Variants in TRMT44 observed in about 807,000 individuals in gnomAD.
The protein encoded by TRMT44 is probable tRNA (uracil-O(2)-)-methyltransferase.
TRMT44 carries 78 observed loss-of-function variants against 77.3 expected under a neutral mutation model. The observed-to-expected ratio is 1.01, with a 90% CI of 0.84 to 1.22. The LOEUF (loss-of-function observed/expected upper bound fraction) is 1.22, where lower values mean the gene tolerates loss of function less well. Ranked by LOEUF, TRMT44 falls within the 50% of genes most tolerant of loss-of-function variation. The pLI is 0.00. For missense variants in TRMT44, 1,090 were observed against 964.4 expected (o/e 1.13, Z -1.73); for synonymous variants, 391 against 383.3 (o/e 1.02, Z -0.23).
the TRMT44 span, among the ~76,000 whole-genome samples, chr4:8,503,063 G>A: frequency 1.3e-5 from 2 of 152,232 alleles, no homozygotes; most frequent in African/African-American, 2.4e-5. Context: ...AGAGGCCAAG[G>A]TTTGGTTTCT....
intron 2 of TRMT44, among the ~76,000 whole-genome samples, chr4:8,485,754 A>G (rs2109223016): frequency 6.6e-6 from 1 of 152,296 alleles, no homozygotes; most frequent in East Asian, 1.9e-4. Context: ...TCGGCCTAAT[A>G]AGGGAACGGG....
At chr4:8,502,970 G>C in the TRMT44 span, among the ~76,000 whole-genome samples, 1 of 152,220 alleles carries the variant, frequency 6.6e-6, no homozygotes, top group Non-Finnish European at 1.5e-5. Flanking sequence ...CACAGACTCA[G>C]CACAGGCTTG....
chr4:8,468,025 G>A lies in TRMT44; in HGVS notation c.1606G>A (p.Gly536Ser). ...SRRGCPVSPP[G>S]WELSPSPRWV... ...GCGGGGCTGCCCTGTAAGCCCACCT[G>A]GCTGGGAGCTTTCCCCTTCTCCACG... Residue 536 changes from glycine (G) to serine (S), a missense_variant, in exon 9 of 11, where the codon GGC (glycine) becomes AGC (serine). Gly to Ser is a moderately conservative substitution (Grantham distance 56). Coordinates refer to ENST00000389737, the MANE Select transcript of TRMT44 (RefSeq NM_152544.3). The A allele has an allele frequency of 6.2e-7, 1 of 1,614,022 alleles. No homozygotes were observed. The highest frequency in any genetic ancestry group is 1.7e-5 in the Admixed American group (1 of 60,030).
At chr4:8,502,561 C>G in the TRMT44 span, among the ~76,000 whole-genome samples, 2 of 152,242 alleles carry the variant, frequency 1.3e-5, no homozygotes, top group Non-Finnish European at 2.9e-5. Context: ...GGGGCAGGCT[C>G]TGCATCCACA....
chr4:8,472,927 T>C (rs1288750776), intron 10 of TRMT44, among the ~76,000 whole-genome samples: 1 of 152,220 alleles, frequency 6.6e-6, no homozygotes, highest in Non-Finnish European at 1.5e-5. Context: ...TGAAATACTG[T>C]CTTTTTCACC....
rs953826033 is a variant in TRMT44, at chr4:8,444,885, T to G, written c.620-1591T>G. Among the ~76,000 whole-genome samples the G allele has an allele frequency of 6.6e-6, 1 of 152,158 alleles. No individual in the cohort carries two copies. The highest frequency in any genetic ancestry group is 1.5e-5 in the Non-Finnish European group (1 of 68,034). On this transcript the variant is annotated intron_variant, in intron 1 of 10. Transcript: ENST00000389737. The surrounding 1 kb of genome is among the most constrained non-coding windows in gnomAD (Gnocchi z 4.0). The stretch of plus-strand genomic sequence containing the variant: ...GCTATGTACCCACAAAAATGAAAAA[T>G]TTAAAAATTTTAAAAATCGAAATTT...
intron 10 of TRMT44, among the ~76,000 whole-genome samples, chr4:8,475,109 G>A (rs1017153353): frequency 2.0e-5 from 3 of 152,194 alleles, no homozygotes; most frequent in African/African-American, 4.8e-5. Context: ...CTCCGGTTGG[G>A]AGGCGCATGT....
At chr4:8,490,469 T>A (rs1727963194) in intron 2 of TRMT44, among the ~76,000 whole-genome samples, 1 of 151,582 alleles carries the variant, frequency 6.6e-6, no homozygotes, top group African/African-American at 2.4e-5. Flanking sequence ...AGGCAGCGCG[T>A]CTGGAGTTGT....
chr4:8,479,854 A>T (rs13121817), downstream of TRMT44, among the ~76,000 whole-genome samples: 17,156 of 152,246 alleles, frequency 0.11, 973 homozygotes, highest in Middle Eastern at 0.13. Context: ...CACATCGTAC[A>T]GCTGTACAAA....
rs1239195663 is a variant in TRMT44, at chr4:8,451,937, GT to G, written c.955-20del. The G allele has an allele frequency of 6.5e-7, 1 of 1,535,708 alleles. No homozygotes were observed. The highest frequency in any genetic ancestry group is 2.0e-5 in the Admixed American group (1 of 50,992). On this transcript the variant is annotated intron_variant, in intron 3 of 10. Coordinates refer to ENST00000389737, the MANE Select transcript of TRMT44 (RefSeq NM_152544.3). This position sits in a 1 kb window ranked among gnomAD's most constrained non-coding sequence, Gnocchi z 4.1. ...GTGGTGGGGAAACCGAACAATTTATGTTTGCTCTTGAAACTGTTTTAGGTGT... is the reference window on the plus strand; with the variant it reads ...GTGGTGGGGAAACCGAACAATTTATGTTGCTCTTGAAACTGTTTTAGGTGT...
Position 8,452,999 on chromosome 4 carries a change from G to A in TRMT44, c.1131+10G>A, listed in dbSNP as rs1274101933. 1.8e-5 allele frequency: 26 copies of A among 1,462,424 alleles called. No homozygotes were observed. The highest frequency in any genetic ancestry group is 2.2e-5 in the Non-Finnish European group (24 of 1,100,622). 90.6% of individuals were successfully genotyped at this position (1,462,424 alleles called of 1,614,324 possible). A position where few individuals can be genotyped will look rare whatever the true frequency, so the allele number is the denominator to read the frequency against. On this transcript the variant is annotated intron_variant, in intron 5 of 10. Coordinates refer to ENST00000389737, the MANE Select transcript of TRMT44 (RefSeq NM_152544.3). This position sits in a 1 kb window ranked among gnomAD's most constrained non-coding sequence, Gnocchi z 5.7. ...CCTGAGCAGTGAGGGGGTAAGGCCC[G>A]GCTCCATCACCTTTTCTGGTAACTT...
At chr4:8,459,262 C>A (rs1301301767) in intron 6 of TRMT44, among the ~76,000 whole-genome samples, 1 of 152,214 alleles carries the variant, frequency 6.6e-6, no homozygotes. Context: ...CCAACCCCCA[C>A]TTTGTTCAAG....
chr4:8,491,771 G>A (rs142065114), intron 2 of TRMT44, among the ~76,000 whole-genome samples: 4 of 152,326 alleles, frequency 2.6e-5, no homozygotes, highest in South Asian at 2.1e-4. Flanking sequence ...ACGCAGCCCC[G>A]GTTCCCGCTC....
chr4:8,441,897 A>G (rs1427371356), intron 1 of TRMT44, among the ~76,000 whole-genome samples: 1 of 152,240 alleles, frequency 6.6e-6, no homozygotes, highest in Admixed American at 6.5e-5. Flanking sequence ...ATTGAGTACA[A>G]TCACTTAGAT....
In TRMT44 at chr4:8,464,109, TATC is replaced by T; in HGVS notation, c.1310+20_1310+22del. 6.2e-7 allele frequency: 1 copy of T among 1,603,136 alleles called. No homozygotes were observed. Among genetic ancestry groups the T allele is most frequent in the Non-Finnish European group, 8.5e-7 (1 of 1,170,734 alleles). Reference sequence around the variant, plus strand: ...GCAGCCAGGTGAGAAGTAGAGGAGTTATCAGGTGAATGGCTGGGGAATGCTTCA... The same window carrying T: ...GCAGCCAGGTGAGAAGTAGAGGAGTTAGGTGAATGGCTGGGGAATGCTTCA... On this transcript the variant is annotated intron_variant, in intron 7 of 10. Coordinates refer to ENST00000389737, the MANE Select transcript of TRMT44 (RefSeq NM_152544.3).
chr4:8,465,286 T>C (rs1391531712), intron 7 of TRMT44, 92 bp from the exon 8 acceptor site: 3 of 1,275,760 alleles, frequency 2.4e-6, no homozygotes, highest in South Asian at 1.4e-5. Flanking sequence ...TATTTTGCCC[T>C]GATATGCGAT....
chr4:8,497,493 A>G (rs1482941674), downstream of TRMT44, among the ~76,000 whole-genome samples: 1 of 152,172 alleles, frequency 6.6e-6, no homozygotes, highest in African/African-American at 2.4e-5. Flanking sequence ...AAAATACAAA[A>G]AATTAGCTGG....
intron 10 of TRMT44, among the ~76,000 whole-genome samples, chr4:8,472,870 A>C (rs1353557241): frequency 1.3e-5 from 2 of 152,160 alleles, no homozygotes; most frequent in Non-Finnish European, 2.9e-5. Flanking sequence ...TCCCACCTCC[A>C]CGGGGCCTCT....
In TRMT44 at chr4:8,474,894, G is replaced by A. The variant is rs369439608; in HGVS notation, c.2045-878G>A. Among the ~76,000 whole-genome samples the A allele has an allele frequency of 1.1e-4, 17 of 152,316 alleles. No individual in the cohort carries two copies. In the East Asian group the frequency reaches 2.9e-3, roughly 26 times the overall value. On this transcript the variant is annotated intron_variant, in intron 10 of 10. Transcript: ENST00000389737. ...CTGCGAGGCCTGGGACCCAGGTGACGAGCGGGCCCACAGCAGCCCTCTCCT... is the reference window on the plus strand; with the variant it reads ...CTGCGAGGCCTGGGACCCAGGTGACAAGCGGGCCCACAGCAGCCCTCTCCT...
Sources: allele counts gnomAD v4.1 joint callset (sites outside exome capture counted in the v4.1 genomes callset), GRCh38; gene constraint gnomAD v4.1.1; non-coding constraint Gnocchi (gnomAD v3.1); transcripts MANE v1.5; gene names NCBI Gene and HGNC (gene_info 2026-07-23, HGNC 2026-07-21).